The following TDRD7 variants were observed in gnomAD, a reference collection of about 807,000 sequenced individuals.
TDRD7 encodes tudor domain-containing protein 7.
In TDRD7, 47 loss-of-function variants were observed where a neutral mutation model predicts 109.8. That is an observed-to-expected ratio of 0.43 (90% CI 0.34 to 0.55). TDRD7 has a LOEUF of 0.55. TDRD7 is among the 20% of genes least tolerant of loss of function. The pLI is 0.03. For missense variants in TDRD7, 1,164 were observed against 1,319.2 expected, an observed-to-expected ratio of 0.88 and a Z score of 1.82; for synonymous variants, 424 against 457.3, an observed-to-expected ratio of 0.93 and a Z score of 0.93.
intron 15 of TDRD7, among the ~76,000 whole-genome samples, chr9:97,485,654 C>T (rs531903551): frequency 1.3e-5 from 2 of 152,296 alleles, no homozygotes; most frequent in African/African-American, 4.8e-5. Flanking sequence ...AGTAGCTTGT[C>T]TTCATTTTAA....
intron 6 of TDRD7, among the ~76,000 whole-genome samples, chr9:97,442,694 A>G (rs1177633623): frequency 6.6e-6 from 1 of 152,182 alleles, no homozygotes; most frequent in Non-Finnish European, 1.5e-5. Flanking sequence ...GCTTTGGTAG[A>G]GGGCTTTTAT....
intron 11 of TDRD7, among the ~76,000 whole-genome samples, chr9:97,474,207 G>C (rs1317910798): frequency 6.6e-6 from 1 of 152,008 alleles, no homozygotes; most frequent in Admixed American, 6.6e-5. Context: ...GCTCTGTAGA[G>C]GTTTTATTGT....
At chr9:97,425,933 C>G (rs1287496158) in intron 1 of TDRD7, among the ~76,000 whole-genome samples, 2 of 152,164 alleles carry the variant, frequency 1.3e-5, no homozygotes, top group Non-Finnish European at 2.9e-5. Context: ...GGCTTCAACC[C>G]TGTTCAGCAT....
At position 97,418,036 on chromosome 9, in the gene TDRD7, A is replaced by T. The variant is rs1827838624; in HGVS notation, c.-7+5798A>T. On this transcript the variant is annotated intron_variant, in intron 1 of 16. Coordinates refer to ENST00000355295, the MANE Select transcript of TDRD7 (RefSeq NM_014290.3). ...GCTATTCAAGAGGCTGAGGCAGGAG[A>T]ATTGCTTCAACCTAGGAGGCAGAGG... 2.6e-5 allele frequency among the ~76,000 whole-genome samples: 4 copies of T among 152,242 alleles called. No homozygotes were observed. In the South Asian group the frequency reaches 8.3e-4, roughly 32 times the overall value.
intron 6 of TDRD7, among the ~76,000 whole-genome samples, chr9:97,457,781 C>A: frequency 6.6e-6 from 1 of 152,214 alleles, no homozygotes; most frequent in Non-Finnish European, 1.5e-5. Flanking sequence ...GGTGCGTACA[C>A]ACTATGGAAT....
chr9:97,414,724 A>G (rs931299447), intron 1 of TDRD7, among the ~76,000 whole-genome samples: 10 of 152,208 alleles, frequency 6.6e-5, no homozygotes, highest in African/African-American at 1.4e-4. Context: ...AAAAACTCTT[A>G]AGGAAGTATA....
intron 6 of TDRD7, among the ~76,000 whole-genome samples, chr9:97,444,199 G>A (rs190860088): frequency 9.9e-5 from 15 of 152,088 alleles, no homozygotes; most frequent in East Asian, 3.9e-4. Flanking sequence ...ATTATATTCC[G>A]TCCAAGCAAT....
At chr9:97,472,639 G>A (rs1828941921) in intron 10 of TDRD7, 144 bp downstream of exon 10, 3 of 759,656 alleles carry the variant, frequency 3.9e-6, no homozygotes, top group Admixed American at 2.0e-5. Context: ...GGGGCTAGAA[G>A]GGAAAAAAGT....
intron 13 of TDRD7, 135 bp downstream of exon 13, chr9:97,478,708 C>T: frequency 7.8e-7 from 1 of 1,283,870 alleles, no homozygotes; most frequent in Non-Finnish European, 1.1e-6. Context: ...TGGTTGTCTG[C>T]TGGTTTTCAG....
At chr9:97,493,227 A>G (rs147065901) in intron 16 of TDRD7, among the ~76,000 whole-genome samples, 1 of 151,924 alleles carries the variant, frequency 6.6e-6, no homozygotes, top group African/African-American at 2.4e-5. Context: ...GGTAAAATTC[A>G]CCCCCGATAT....
chr9:97,460,091 A>C (rs1224334116), intron 6 of TDRD7, 87 bp from the exon 7 acceptor site: 8 of 1,083,554 alleles, frequency 7.4e-6, no homozygotes, highest in East Asian at 4.8e-5. Context: ...AAACAGCATG[A>C]CTCTCAAATT....
In TDRD7 at chr9:97,456,292, A is replaced by G. The variant is rs546765616; in HGVS notation, c.856-3886A>G. 2.2e-4 allele frequency among the ~76,000 whole-genome samples: 33 copies of G among 152,324 alleles called. No individual in the cohort carries two copies. In the South Asian group the frequency reaches 5.0e-3, roughly 23 times the overall value. On this transcript the variant is annotated intron_variant, in intron 6 of 16. Coordinates refer to ENST00000355295, the MANE Select transcript of TDRD7 (RefSeq NM_014290.3). ...TAAATGCTATTCTCATCAAACTACC[A>G]TTGACATTCTTCACAGAATTAGAAA...
chr9:97,465,716 A>G (rs1828812534), intron 8 of TDRD7, among the ~76,000 whole-genome samples: 1 of 152,082 alleles, frequency 6.6e-6, no homozygotes, highest in African/African-American at 2.4e-5. Flanking sequence ...GTACTAGTGT[A>G]TTTTTAATGT....
chr9:97,462,089 A>G (rs531254667), intron 7 of TDRD7, among the ~76,000 whole-genome samples: 7 of 152,334 alleles, frequency 4.6e-5, no homozygotes, highest in African/African-American at 1.7e-4. Context: ...AGAGGTCCCA[A>G]TATGTTTCAC....
chr9:97,458,622 C>G (rs1436275931), intron 6 of TDRD7, among the ~76,000 whole-genome samples: 1 of 152,156 alleles, frequency 6.6e-6, no homozygotes, highest in African/African-American at 2.4e-5. Flanking sequence ...GCCATTAGAC[C>G]TCTGCTTTCA....
chr9:97,494,794 C>G (rs1160533026), intron 16 of TDRD7, among the ~76,000 whole-genome samples: 1 of 151,160 alleles, frequency 6.6e-6, no homozygotes, highest in Non-Finnish European at 1.5e-5. Flanking sequence ...CACTGCAGCC[C>G]TGACCTCCCA....
At chr9:97,451,975 T>C (rs1185245240) in intron 6 of TDRD7, among the ~76,000 whole-genome samples, 4 of 152,258 alleles carry the variant, frequency 2.6e-5, no homozygotes, top group Non-Finnish European at 5.9e-5. Flanking sequence ...TACTCATAAC[T>C]GAAAAAGAAT....
chr9:97,438,899 C>G (rs530099078), intron 4 of TDRD7, among the ~76,000 whole-genome samples: 1 of 152,172 alleles, frequency 6.6e-6, no homozygotes, highest in South Asian at 2.1e-4. Context: ...TGGTTATATT[C>G]CAAAATGTTC....
At chr9:97,463,306 A>G (rs975122255) in intron 7 of TDRD7, among the ~76,000 whole-genome samples, 3 of 152,002 alleles carry the variant, frequency 2.0e-5, no homozygotes, top group Non-Finnish European at 2.9e-5. Context: ...GAAGCCAATA[A>G]TATGCACATA....
Sources: gnomAD v4.1 joint callset for allele counts (sites outside exome capture counted in the v4.1 genomes callset) on GRCh38, gnomAD v4.1.1 for gene constraint, MANE v1.5 for transcripts, NCBI Gene and HGNC (gene_info 2026-07-23, HGNC 2026-07-21) for gene names.